CPD: variants seen among roughly 807,000 people sequenced by gnomAD.
The protein encoded by CPD is carboxypeptidase D.
Under a neutral mutation model 138.3 loss-of-function variants are expected in CPD, and 69 were observed. The observed-to-expected ratio is 0.50, with a 90% CI of 0.41 to 0.61. The LOEUF is 0.61. Ranked by LOEUF, CPD falls within the 20% of genes least tolerant of loss-of-function variation. The pLI is 0.00. For missense variants in CPD, 1,432 were observed against 1,733.3 expected (o/e 0.83, Z 3.09); for synonymous variants, 651 against 642.1 (o/e 1.01, Z -0.21).
rs1194924094 is a variant in CPD at position 30,451,784 on chromosome 17, A to G, written c.3143A>G (p.Asp1048Gly). 6.2e-7 allele frequency: 1 copy of G among 1,614,084 alleles called. No homozygotes were observed. Among genetic ancestry groups the G allele is most frequent in the Admixed American group, 1.7e-5 (1 of 60,018 alleles). ...GGGCGAGAGAGAGCTCAAGAGAAAGACTGTACTTCAAAAATAGGACAAACA... is the reference window on the plus strand; with the variant it reads ...GGGCGAGAGAGAGCTCAAGAGAAAGGCTGTACTTCAAAAATAGGACAAACA... ...PDGRERAQEK[D>G]CTSKIGQTNA... is the part of the protein sequence containing the mutation. The change falls in exon 14 of 21, where the codon GAC (aspartate) becomes GGC (glycine). Residue 1048 changes from aspartate (D) to glycine (G), a missense_variant. Transcript: ENST00000225719.
At chr17:30,401,385 TCTTCCTCTTCTTCCTCCTC>T (rs1369834190) in intron 2 of CPD, among the ~76,000 whole-genome samples, 25 of 151,416 alleles carry the variant, frequency 1.7e-4, no homozygotes, top group Admixed American at 1.3e-4. Context: ...TTCTTCCTCC[TCTTCCTCTTCTTCCTCCTC>T]CTCTTCTTCC....
intron 7 of CPD, among the ~76,000 whole-genome samples, chr17:30,431,240 G>A (rs910778599): frequency 6.6e-6 from 1 of 152,152 alleles, no homozygotes; most frequent in Non-Finnish European, 1.5e-5. Flanking sequence ...CTTTTCATGA[G>A]CTTGTTGGCC....
At chr17:30,380,496 C>A in intron 1 of CPD, 1 of 1,344,082 alleles carries the variant, frequency 7.4e-7, no homozygotes, top group Non-Finnish European at 9.5e-7. Flanking sequence ...ACCTTATTAG[C>A]CTGGGCAGAA....
intron 2 of CPD, among the ~76,000 whole-genome samples, chr17:30,414,890 A>G (rs1307866288): frequency 6.6e-6 from 1 of 152,222 alleles, no homozygotes; most frequent in East Asian, 1.9e-4. Context: ...CCAAGTAAAG[A>G]TTTTGAATAG....
intron 17 of CPD, among the ~76,000 whole-genome samples, chr17:30,457,609 A>G (rs145085356): frequency 7.7e-4 from 117 of 151,678 alleles, no homozygotes; most frequent in African/African-American, 2.7e-3. Context: ...CCTTACCAGC[A>G]ATGTTTGAGG....
chr17:30,426,812 T>C (rs767657175), intron 6 of CPD, among the ~76,000 whole-genome samples: 25 of 152,152 alleles, frequency 1.6e-4, no homozygotes, highest in Non-Finnish European at 2.8e-4. Flanking sequence ...AAGATTAAAC[T>C]GTAAGCTAAA....
At chr17:30,403,962 A>G (rs1267855820) in intron 2 of CPD, among the ~76,000 whole-genome samples, 1 of 150,618 alleles carries the variant, frequency 6.6e-6, no homozygotes, top group Non-Finnish European at 1.5e-5. Flanking sequence ...TGAAGAATAT[A>G]GATGAGTCTC....
Position 30,379,725 on chromosome 17 carries a change from A to G in CPD, c.745A>G (p.Lys249Glu). The G allele has an allele frequency of 2.0e-6, 3 of 1,481,128 alleles. No individual in the cohort carries two copies. Among genetic ancestry groups the G allele is most frequent in the Non-Finnish European group, 2.6e-6 (3 of 1,132,494 alleles). The allele number at this position is 1,481,128 out of a possible 1,614,324, so 91.7% of individuals were successfully genotyped here. Residue 249 changes from lysine (K) to glutamate (E), a missense_variant and splice_region_variant, in exon 1 of 21, where the codon AAG (lysine) becomes GAG (glutamate). Physicochemically the swap from Lys to Glu is moderately conservative, Grantham distance 56. Around this residue, in one of 6 missense-constraint regions of CPD, gnomAD observed 484 missense variants for 477.2 expected, o/e 1.01. Coordinates refer to ENST00000225719, the MANE Select transcript of CPD (RefSeq NM_001304.5). This position sits in a 1 kb window ranked among gnomAD's most constrained non-coding sequence, Gnocchi z 7.0. ...RALIEWIRRN[K>E]FVLSGNLHGG... ...CCTCATCGAGTGGATCCGCAGGAAC[A>G]AGTGAGTGTTGCCTGCCCCCTCCCC...
chr17:30,460,981 C>G (rs2143511071), intron 17 of CPD, among the ~76,000 whole-genome samples, 199 bp from the exon 18 acceptor site: 1 of 152,324 alleles, frequency 6.6e-6, no homozygotes, highest in South Asian at 2.1e-4. Context: ...TAGCCCCTGT[C>G]CTCAAGGGCT....
At position 30,394,305 on chromosome 17, in the gene CPD, G is replaced by A. The variant is rs140263558; in HGVS notation, c.994+9069G>A. 3.0e-3 allele frequency among the ~76,000 whole-genome samples: 461 copies of A among 152,038 alleles called. 4 individuals are homozygous for A. Among genetic ancestry groups the A allele is most frequent in the African/African-American group, 0.01 (423 of 41,462 alleles). ...CAGCTCCTACCTCTCCTCTGCCACC[G>A]GACTACTTGTCCTTCCCAAATGTGA... On this transcript the variant is annotated intron_variant, in intron 2 of 20. Transcript: ENST00000225719.
At chr17:30,387,644 C>G (rs1911228411) in intron 2 of CPD, among the ~76,000 whole-genome samples, 1 of 152,070 alleles carries the variant, frequency 6.6e-6, no homozygotes, top group South Asian at 2.1e-4. Flanking sequence ...TGCCTTAGGT[C>G]TTCCTTACCT....
At chr17:30,445,343 C>T (rs2005839) in intron 11 of CPD, among the ~76,000 whole-genome samples, 93,931 of 151,604 alleles carry the variant, frequency 0.62, 30,535 homozygotes, top group East Asian at 0.83. Flanking sequence ...TGGGCACCTG[C>T]AATCCCAGCT....
intron 18 of CPD, 80 bp downstream of exon 18, chr17:30,461,391 C>A: frequency 1.8e-6 from 2 of 1,108,518 alleles, no homozygotes; most frequent in South Asian, 2.9e-5. Context: ...TTGTCTTTTA[C>A]CAAAAATGTA....
At chr17:30,444,388 G>A (rs1912969150) in intron 11 of CPD, among the ~76,000 whole-genome samples, 1 of 152,112 alleles carries the variant, frequency 6.6e-6, no homozygotes, top group Non-Finnish European at 1.5e-5. Flanking sequence ...CTTTAAAGGA[G>A]TAACAGAAGT....
intron 6 of CPD, 149 bp downstream of exon 6, chr17:30,423,846 T>C (rs1049092611): frequency 5.2e-6 from 3 of 577,908 alleles, no homozygotes; most frequent in African/African-American, 3.9e-5. Flanking sequence ...TGTATTCTTA[T>C]ATGATGATCT....
In CPD at chr17:30,446,003, T is replaced by C. The variant is rs763080790; in HGVS notation, c.2856T>C (p.His952=). The C allele has an allele frequency of 1.2e-6, 2 of 1,604,866 alleles. No homozygotes were observed. ...FLRGLVMNYP[H]ITNLTNLGQS... Reference sequence around the variant, plus strand: ...GAGGACTTGTAATGAACTATCCACATATTACAAATCTTACCAAGTAAGTGT... The same window carrying C: ...GAGGACTTGTAATGAACTATCCACACATTACAAATCTTACCAAGTAAGTGT... The change falls in exon 12 of 21, where the codon CAT becomes CAC. Residue 952 remains histidine (H), a synonymous_variant. Coordinates refer to ENST00000225719, the MANE Select transcript of CPD (RefSeq NM_001304.5).
Position 30,379,722 on chromosome 17 carries a change from A to C in CPD, c.742A>C (p.Asn248His), listed in dbSNP as rs1202518089. 2.7e-6 allele frequency: 4 copies of C among 1,487,132 alleles called. No homozygotes were observed. The allele number at this position is 1,487,132 out of a possible 1,614,324, so 92.1% of individuals were successfully genotyped here. ...CGCCCTCATCGAGTGGATCCGCAGGAACAAGTGAGTGTTGCCTGCCCCCTC... is the reference window on the plus strand; with the variant it reads ...CGCCCTCATCGAGTGGATCCGCAGGCACAAGTGAGTGTTGCCTGCCCCCTC... The part of the protein sequence containing the change: ...VRALIEWIRR[N>H]KFVLSGNLHG... The change falls in exon 1 of 21, where the codon AAC becomes CAC. Residue 248 changes from asparagine (N) to histidine (H), a missense_variant. Asn to His is a moderately conservative substitution (Grantham distance 68). Coordinates refer to ENST00000225719, the MANE Select transcript of CPD (RefSeq NM_001304.5). The surrounding 1 kb of genome is among the most constrained non-coding windows in gnomAD (Gnocchi z 7.0).
intron 8 of CPD, among the ~76,000 whole-genome samples, chr17:30,437,750 C>T (rs1409213584): frequency 7.2e-6 from 1 of 138,052 alleles, no homozygotes; most frequent in Non-Finnish European, 1.6e-5. Flanking sequence ...TTACAGTAAT[C>T]TAAAATTATG....
intron 8 of CPD, among the ~76,000 whole-genome samples, chr17:30,435,138 TAAATA>T (rs1912666893): frequency 6.6e-6 from 1 of 151,780 alleles, no homozygotes; most frequent in African/African-American, 2.4e-5. Flanking sequence ...AAAACAGGGA[TAAATA>T]AAATAAAGTT....
Sources: allele counts gnomAD v4.1 joint callset (sites outside exome capture counted in the v4.1 genomes callset), GRCh38; gene constraint gnomAD v4.1.1; regional missense constraint gnomAD v4.1.1; non-coding constraint Gnocchi (gnomAD v3.1); transcripts MANE v1.5; gene names NCBI Gene and HGNC (gene_info 2026-07-23, HGNC 2026-07-21).